NISCH: variants seen among roughly 807,000 people sequenced by gnomAD.
NISCH encodes the protein I-1 receptor candidate protein.
In NISCH, 55 loss-of-function variants were observed where a neutral mutation model predicts 138.4. The ratio of observed to expected loss-of-function variants is 0.40; its 90% CI spans 0.32 to 0.50. The LOEUF (loss-of-function observed/expected upper bound fraction) is 0.50, where lower values mean the gene tolerates loss of function less well. Ranked by LOEUF, NISCH falls within the 20% of genes least tolerant of loss-of-function variation. The pLI is 0.71. For synonymous variants in NISCH, 860 were observed against 861.5 expected (o/e 1.00, Z 0.03); for missense variants, 1,643 against 2,005.5 (o/e 0.82, Z 3.45).
chr3:52,456,094 A>G (rs1706459390), intron 1 of NISCH, among the ~76,000 whole-genome samples: 1 of 152,066 alleles, frequency 6.6e-6, no homozygotes, highest in Non-Finnish European at 1.5e-5. Flanking sequence ...GAAGACCGTT[A>G]CAGGGGTCCA....
In NISCH at chr3:52,490,195, G is replaced by A. The variant is rs1260264217; in HGVS notation, c.3577G>A (p.Asp1193Asn). 15 of 1,612,982 alleles carry A rather than the reference G, an allele frequency of 9.3e-6. No homozygotes were observed. The highest frequency in any genetic ancestry group is 1.2e-5 in the Non-Finnish European group (14 of 1,180,024). The change falls in exon 18 of 21, where the codon GAC becomes AAC. Residue 1193 changes from aspartate to asparagine, a missense_variant. Coordinates refer to ENST00000345716, the MANE Select transcript of NISCH (RefSeq NM_007184.4). Reference protein sequence around the residue: ...STKAVYFVLHDGLRRYFSEPL... With the variant: ...STKAVYFVLHNGLRRYFSEPL... ...CAAGGCTGTGTACTTTGTGCTCCAC[G>A]ACGGCCTCCGCCGCTACTTCTCAGA...
At chr3:52,491,220 T>G in intron 19 of NISCH, 132 bp from the exon 20 acceptor site, 8 of 1,384,622 alleles carry the variant, frequency 5.8e-6, no homozygotes, top group Non-Finnish European at 6.7e-6. Flanking sequence ...GCCCCATGAT[T>G]CTTTCCTGTG....
intron 13 of NISCH, 51 bp from the exon 14 acceptor site, chr3:52,484,462 T>TCTC: frequency 2.5e-6 from 2 of 788,670 alleles, no homozygotes; most frequent in Non-Finnish European, 1.8e-6. Flanking sequence ...ACAGCCGCTC[T>TCTC]CCCCGCCCCA....
At chr3:52,471,590 A>T (rs1248149821) in intron 4 of NISCH, 9 of 576,836 alleles carry the variant, frequency 1.6e-5, no homozygotes, top group Non-Finnish European at 2.8e-5. Flanking sequence ...CCCCAGCCTC[A>T]CAGCCCCACA....
chr3:52,461,604 C>T (rs1051482148), intron 3 of NISCH, among the ~76,000 whole-genome samples: 1 of 152,324 alleles, frequency 6.6e-6, no homozygotes, highest in South Asian at 2.1e-4. Context: ...TGGCTCACGC[C>T]TGTAATCCCA....
At chr3:52,491,092 A>T (rs932910617) in intron 19 of NISCH, among the ~76,000 whole-genome samples, 1 of 152,226 alleles carries the variant, frequency 6.6e-6, no homozygotes, top group Non-Finnish European at 1.5e-5. Context: ...CTCGGGCAGG[A>T]TGTTTCTGAC....
chr3:52,477,508 G>C (rs1288083621), intron 8 of NISCH, 66 bp from the exon 9 acceptor site: 1 of 1,389,952 alleles, frequency 7.2e-7, no homozygotes, highest in Non-Finnish European at 1.0e-6. Context: ...CCCGTCCACT[G>C]TGTCGGGGAC....
chr3:52,482,690 G>A (rs1707308137), intron 13 of NISCH, among the ~76,000 whole-genome samples: 1 of 152,218 alleles, frequency 6.6e-6, no homozygotes, highest in African/African-American at 2.4e-5. Flanking sequence ...TCGAGATGGA[G>A]TCGTGGAAAA....
At chr3:52,462,829 G>T (rs544331875) in intron 3 of NISCH, among the ~76,000 whole-genome samples, 2 of 152,036 alleles carry the variant, frequency 1.3e-5, no homozygotes, top group African/African-American at 4.8e-5. Context: ...GTAGAGACGG[G>T]GTTTCACTAT....
intron 16 of NISCH, 75 bp downstream of exon 16, chr3:52,488,680 A>G (rs1707478386): frequency 1.5e-6 from 2 of 1,292,368 alleles, no homozygotes; most frequent in Non-Finnish European, 2.1e-6. Flanking sequence ...ATCTGCGGCT[A>G]GTGTGGGCTG....
At position 52,455,665 on chromosome 3, in the gene NISCH, G is replaced by T. The variant is rs755696880; in HGVS notation, c.24G>T (p.Gly8=). The T allele has an allele frequency of 4.4e-6, 6 of 1,356,186 alleles. No individual in the cohort carries two copies. Among genetic ancestry groups the T allele is most frequent in the African/African-American group, 3.0e-5 (2 of 66,600 alleles). 84.0% of individuals were successfully genotyped at this position (1,356,186 alleles called of 1,614,324 possible). MATARTF[G]PEREAEPAKE... is the part of the protein sequence containing the mutation. ...ACATGGCGACCGCGCGCACCTTCGG[G>T]CCCGAGCGGGAAGCCGAGCCGGCCA... is the stretch of plus-strand genomic sequence containing the variant. Residue 8 remains glycine (G), a synonymous_variant, in exon 1 of 21, where the codon GGG becomes GGT. Coordinates refer to ENST00000345716, the MANE Select transcript of NISCH (RefSeq NM_007184.4).
chr3:52,459,855 G>C (rs778924221), intron 3 of NISCH, among the ~76,000 whole-genome samples: 3 of 151,516 alleles, frequency 2.0e-5, no homozygotes, highest in Non-Finnish European at 4.4e-5. Flanking sequence ...AAATAGTAAG[G>C]ACAACCCTAA....
intron 20 of NISCH, 102 bp downstream of exon 20, chr3:52,491,615 C>G (rs1402742023): frequency 1.4e-5 from 19 of 1,339,026 alleles, no homozygotes; most frequent in Non-Finnish European, 1.6e-5. Context: ...CTCTATGTCT[C>G]TCTTTTCTCA....
intron 11 of NISCH, 25 bp from the exon 12 acceptor site, chr3:52,479,724 G>A (rs765314771): frequency 2.3e-5 from 36 of 1,566,898 alleles, no homozygotes; most frequent in Middle Eastern, 1.7e-4. Context: ...TCCCCATGCT[G>A]ATAGCCACTT....
At chr3:52,468,964 A>G (rs1240866617) in intron 3 of NISCH, among the ~76,000 whole-genome samples, 1 of 152,214 alleles carries the variant, frequency 6.6e-6, no homozygotes, top group Non-Finnish European at 1.5e-5. Flanking sequence ...AAAAAGCACC[A>G]TGAACAAAGG....
chr3:52,483,552 G>A (rs1427724702), intron 13 of NISCH, among the ~76,000 whole-genome samples: 1 of 151,832 alleles, frequency 6.6e-6, no homozygotes, highest in Non-Finnish European at 1.5e-5. Context: ...TAGGAACACT[G>A]TGCATTTACG....
At chr3:52,476,260 A>G in intron 7 of NISCH, 187 bp from the exon 8 acceptor site, 1 of 640,808 alleles carries the variant, frequency 1.6e-6, no homozygotes, top group Non-Finnish European at 2.7e-6. Context: ...TATGTGGTAA[A>G]TTGTTCAGCT....
At chr3:52,490,858 C>T in intron 19 of NISCH, 25 bp downstream of exon 19, 1 of 1,612,968 alleles carries the variant, frequency 6.2e-7, no homozygotes, top group Non-Finnish European at 8.5e-7. Context: ...GTGCTTTGTC[C>T]TATTTCGGGT....
At chr3:52,456,036 G>A (rs1011580539) in intron 1 of NISCH, among the ~76,000 whole-genome samples, 1 of 151,966 alleles carries the variant, frequency 6.6e-6, no homozygotes, top group Non-Finnish European at 1.5e-5. Flanking sequence ...GTGTCTAGAT[G>A]AGGCGGAACC....
Sources: allele counts gnomAD v4.1 joint callset (sites outside exome capture counted in the v4.1 genomes callset), GRCh38; gene constraint gnomAD v4.1.1; transcripts MANE v1.5; gene names NCBI Gene and HGNC (gene_info 2026-07-23, HGNC 2026-07-21).